The following CACNB2 variants were observed in gnomAD, a reference collection of about 807,000 sequenced individuals.
CACNB2 encodes the protein voltage-dependent L-type calcium channel subunit beta-2.
CACNB2 carries 42 observed loss-of-function variants against 73.3 expected under a neutral mutation model. The ratio of observed to expected loss-of-function variants is 0.57; its 90% CI spans 0.45 to 0.74. The LOEUF is 0.74. Among genes scored for constraint, CACNB2 ranks in the 30% least tolerant of loss-of-function variants. The probability of loss-of-function intolerance (pLI) is 0.00; values close to 1 mark genes in which losing one functional copy is unlikely to be tolerated. For missense variants in CACNB2, 940 were observed against 853.0 expected (o/e 1.10, Z -1.27); for synonymous variants, 348 against 310.3 (o/e 1.12, Z -1.28).
At chr10:18,250,959 A>C (rs1166614043) in intron 2 of CACNB2, among the ~76,000 whole-genome samples, 1 of 152,248 alleles carries the variant, frequency 6.6e-6, no homozygotes, top group Non-Finnish European at 1.5e-5. Flanking sequence ...CTGCAAGCTG[A>C]GGTGGATGGC....
chr10:18,408,279 C>T (rs890234135), intron 3 of CACNB2, among the ~76,000 whole-genome samples: 4 of 128,770 alleles, frequency 3.1e-5, no homozygotes, highest in Non-Finnish European at 6.3e-5. Flanking sequence ...TGTTCTGTCA[C>T]CCAGGCTGGA....
intron 5 of CACNB2, among the ~76,000 whole-genome samples, chr10:18,506,079 C>A (rs1335121703): frequency 6.6e-6 from 1 of 152,156 alleles, no homozygotes; most frequent in African/African-American, 2.4e-5. Context: ...GGAGCTGAAA[C>A]CAAACAAGAA....
At chr10:18,313,823 C>T (rs891042649) in intron 2 of CACNB2, among the ~76,000 whole-genome samples, 1 of 152,102 alleles carries the variant, frequency 6.6e-6, no homozygotes, top group Non-Finnish European at 1.5e-5. Context: ...CCCACACTAG[C>T]GAAAAACATT....
intron 3 of CACNB2, among the ~76,000 whole-genome samples, chr10:18,427,875 C>A (rs964278855): frequency 1.3e-5 from 2 of 152,024 alleles, no homozygotes; most frequent in Non-Finnish European, 2.9e-5. Flanking sequence ...ATTCTATTTT[C>A]TATTTCATTA....
At position 18,362,457 on chromosome 10, in the gene CACNB2, T is replaced by C. The variant is rs191908532; in HGVS notation, c.214-39467T>C. ...GATTACTGTTTCCTCCTTGTTTTTT[T>C]CCCCCAAGTGATTATATTAGTATTC... On this transcript the variant is annotated intron_variant, in intron 2 of 13. Transcript: ENST00000324631. Among the ~76,000 whole-genome samples, 7 of 152,276 alleles carry C rather than the reference T, an allele frequency of 4.6e-5. No individual in the cohort carries two copies. The South Asian group carries it at 8.3e-4, about 18-fold the overall frequency.
intron 4 of CACNB2, among the ~76,000 whole-genome samples, chr10:18,499,637 A>ATCCAAGTACT (rs1554831783): frequency 1.1e-5 from 1 of 92,540 alleles, no homozygotes; most frequent in African/African-American, 4.1e-5. Context: ...AAAAAAAAAA[A>ATCCAAGTACT]AAGAACCTAG....
intron 2 of CACNB2, among the ~76,000 whole-genome samples, chr10:18,354,337 A>G (rs138045065): frequency 2.0e-5 from 3 of 152,128 alleles, no homozygotes; most frequent in Non-Finnish European, 4.4e-5. Context: ...GTGAGGTCCT[A>G]TGAGAACTTT....
intron 5 of CACNB2, among the ~76,000 whole-genome samples, chr10:18,504,044 A>G (rs1425756303): frequency 6.6e-6 from 1 of 152,196 alleles, no homozygotes; most frequent in Non-Finnish European, 1.5e-5. Context: ...GCCTCTTCAT[A>G]TAGAAACTGA....
chr10:18,261,508 G>A lies in CACNB2; in HGVS notation c.213+110533G>A, dbSNP rs148969277. On this transcript the variant is annotated intron_variant, in intron 2 of 13. Transcript: ENST00000324631. ...TCTGAGATATTTATTTTTTCCCAGA[G>A]ATGTTTTTATCTGTCTTTTGTGCCT... Among the ~76,000 whole-genome samples, 4 of 152,264 alleles carry A rather than the reference G, an allele frequency of 2.6e-5. No homozygotes were observed. In the East Asian group the frequency reaches 7.7e-4, roughly 29 times the overall value.
At chr10:18,196,399 C>T (rs1461217885) in intron 2 of CACNB2, among the ~76,000 whole-genome samples, 4 of 151,782 alleles carry the variant, frequency 2.6e-5, no homozygotes, top group Non-Finnish European at 5.9e-5. Context: ...TCATTGCAGC[C>T]TCCACCTCCT....
intron 2 of CACNB2, among the ~76,000 whole-genome samples, chr10:18,219,318 G>T (rs1404154160): frequency 6.6e-6 from 1 of 152,190 alleles, no homozygotes; most frequent in Non-Finnish European, 1.5e-5. Context: ...TGAGGGTGGG[G>T]AATGAAGTGA....
At chr10:18,197,466 C>A (rs773533916) in intron 2 of CACNB2, among the ~76,000 whole-genome samples, 1 of 152,154 alleles carries the variant, frequency 6.6e-6, no homozygotes. Context: ...AGGCTTAATC[C>A]AAGCACCCCA....
intron 3 of CACNB2, among the ~76,000 whole-genome samples, chr10:18,457,630 C>A (rs2047351693): frequency 1.3e-5 from 2 of 152,058 alleles, no homozygotes; most frequent in Non-Finnish European, 2.9e-5. Context: ...GTGGCTCATG[C>A]CTGTAATCCA....
At chr10:18,482,318 A>G (rs1433009876) in intron 3 of CACNB2, among the ~76,000 whole-genome samples, 1 of 152,200 alleles carries the variant, frequency 6.6e-6, no homozygotes, top group Non-Finnish European at 1.5e-5. Context: ...TGAAAAAAAC[A>G]AGTCTGTTTA....
chr10:18,201,506 C>T (rs560228103), intron 2 of CACNB2, among the ~76,000 whole-genome samples: 2 of 152,106 alleles, frequency 1.3e-5, no homozygotes, highest in African/African-American at 2.4e-5. Context: ...AACTCCTGAC[C>T]TCATGTGATC....
At chr10:18,277,063 G>A (rs2038326071) in intron 2 of CACNB2, among the ~76,000 whole-genome samples, 1 of 152,208 alleles carries the variant, frequency 6.6e-6, no homozygotes, top group African/African-American at 2.4e-5. Context: ...GCTGCAGTGA[G>A]CCGTGTTCGT....
rs560129928 is a variant in CACNB2, at chr10:18,436,047, G to A, written c.333+34004G>A. On this transcript the variant is annotated intron_variant, in intron 3 of 13. Coordinates refer to ENST00000324631, the MANE Select transcript of CACNB2 (RefSeq NM_201596.3). ...TAGATCATTTTTAGAGAATTGATAA[G>A]TTTAACAAAAGGAGAACTTCAGAAT... 6.6e-5 allele frequency among the ~76,000 whole-genome samples: 10 copies of A among 152,306 alleles called. No individual in the cohort carries two copies. In the South Asian group the frequency reaches 2.1e-3, roughly 32 times the overall value.
Position 18,540,107 on chromosome 10 carries a change from G to T in CACNB2, c.*383G>T. On this transcript the variant is annotated 3_prime_UTR_variant, in exon 14 of 14. Coordinates refer to ENST00000324631, the MANE Select transcript of CACNB2 (RefSeq NM_201596.3). ...AAAAGTGGAATTTCTTGTTTCTCCA[G>T]ATTTTTAATACGTTAATACGCAGGC... 5.1e-6 allele frequency: 1 copy of T among 196,130 alleles called. No individual in the cohort carries two copies. The highest frequency in any genetic ancestry group is 1.3e-4 in the East Asian group (1 of 7,748). The allele number at this position is 196,130 out of a possible 1,614,324, so 12.1% of individuals were successfully genotyped here. A position where few individuals can be genotyped will look rare whatever the true frequency, so the allele number is the denominator to read the frequency against.
chr10:18,186,520 G>A (rs1564327503), intron 2 of CACNB2, among the ~76,000 whole-genome samples: 1 of 152,176 alleles, frequency 6.6e-6, no homozygotes, highest in Non-Finnish European at 1.5e-5. Context: ...GAAGCATGAT[G>A]CTGGCATCTC....
Sources: allele counts gnomAD v4.1 joint callset (sites outside exome capture counted in the v4.1 genomes callset), GRCh38; gene constraint gnomAD v4.1.1; transcripts MANE v1.5; gene names NCBI Gene and HGNC (gene_info 2026-07-23, HGNC 2026-07-21).